The following HIPK3 variants were observed in gnomAD, a reference collection of about 807,000 sequenced individuals.
HIPK3 encodes the protein homeodomain-interacting protein kinase 3.
A neutral mutation model predicts 124.2 loss-of-function variants in HIPK3; 47 were observed. That is an observed-to-expected ratio of 0.38 (90% CI 0.30 to 0.48). The LOEUF is 0.48. Among genes scored for constraint, HIPK3 ranks in the 20% least tolerant of loss-of-function variants. The pLI is 0.98. For synonymous variants in HIPK3, 482 were observed against 515.2 expected (o/e 0.94, Z 0.87); for missense variants, 1,286 against 1,454.3 (o/e 0.88, Z 1.88).
At chr11:33,271,934 T>C (rs1408082756) in intron 1 of HIPK3, among the ~76,000 whole-genome samples, 1 of 152,224 alleles carries the variant, frequency 6.6e-6, no homozygotes, top group Non-Finnish European at 1.5e-5. Flanking sequence ...AAAATCTGTT[T>C]TTCTATGACA....
chr11:33,341,254 G>GT (rs1590187423), intron 7 of HIPK3, 127 bp downstream of exon 7: 2 of 618,212 alleles, frequency 3.2e-6, no homozygotes, highest in East Asian at 6.2e-5. Flanking sequence ...TACTATACCT[G>GT]TTTTTACCAA....
Position 33,257,712 on chromosome 11 carries a change from T to C in HIPK3, c.-180T>C. On this transcript the variant is annotated 5_prime_UTR_variant, in exon 1 of 17. Transcript: ENST00000303296. The stretch of plus-strand genomic sequence containing the variant: ...CGGTCGGGGGAGGGTGTTTCGCCGT[T>C]TCCTCTCAGCCGCCAGGACAAGATG... The C allele has an allele frequency of 4.0e-6, 4 of 990,392 alleles. No individual in the cohort carries two copies. Among genetic ancestry groups the C allele is most frequent in the Non-Finnish European group, 4.8e-6 (4 of 833,372 alleles). 61.4% of individuals were successfully genotyped at this position (990,392 alleles called of 1,614,324 possible). A position where few individuals can be genotyped will look rare whatever the true frequency, so the allele number is the denominator to read the frequency against.
intron 2 of HIPK3, among the ~76,000 whole-genome samples, chr11:33,289,806 C>T (rs1010293112): frequency 3.3e-5 from 5 of 152,158 alleles, no homozygotes; most frequent in African/African-American, 1.2e-4. Flanking sequence ...CTACTCCCTA[C>T]CCCCATCTAC....
intron 15 of HIPK3, 112 bp from the exon 16 acceptor site, chr11:33,352,025 TA>T: frequency 8.6e-7 from 1 of 1,156,564 alleles, no homozygotes; most frequent in Admixed American, 2.1e-5. Context: ...CCTTTGATTT[TA>T]TTTAATTTTA....
intron 2 of HIPK3, among the ~76,000 whole-genome samples, chr11:33,309,347 T>C (rs1852257012): frequency 6.6e-6 from 1 of 152,208 alleles, no homozygotes; most frequent in Non-Finnish European, 1.5e-5. Context: ...ACTTGTGGCC[T>C]CAAGTGATCC....
intron 2 of HIPK3, among the ~76,000 whole-genome samples, chr11:33,312,564 G>A (rs1852380861): frequency 6.6e-6 from 1 of 152,124 alleles, no homozygotes; most frequent in African/African-American, 2.4e-5. Flanking sequence ...CTCTGCCAGG[G>A]ATTGTATGAA....
chr11:33,279,195 T>A (rs1006790277), intron 1 of HIPK3, among the ~76,000 whole-genome samples: 4 of 151,324 alleles, frequency 2.6e-5, no homozygotes, highest in Non-Finnish European at 2.9e-5. Flanking sequence ...ATGCCTATAA[T>A]CCCAGCTACT....
intron 3 of HIPK3, among the ~76,000 whole-genome samples, chr11:33,334,644 T>A (rs1853084258): frequency 1.4e-5 from 1 of 69,484 alleles, no homozygotes; most frequent in African/African-American, 8.5e-5. Flanking sequence ...TGATAGCTGA[T>A]GAGCTTTAAA....
chr11:33,318,599 T>C (rs1852574321), intron 2 of HIPK3, among the ~76,000 whole-genome samples: 2 of 152,340 alleles, frequency 1.3e-5, no homozygotes, highest in Admixed American at 6.5e-5. Flanking sequence ...GTTGGTACTT[T>C]ATTACTGTTA....
intron 2 of HIPK3, among the ~76,000 whole-genome samples, chr11:33,303,632 T>G (rs1013470093): frequency 6.6e-6 from 1 of 152,198 alleles, no homozygotes; most frequent in African/African-American, 2.4e-5. Flanking sequence ...CCTCACACAC[T>G]TCAAAATGTG....
intron 2 of HIPK3, among the ~76,000 whole-genome samples, chr11:33,310,168 T>C (rs1034399753): frequency 6.6e-6 from 1 of 152,220 alleles, no homozygotes; most frequent in Admixed American, 6.5e-5. Context: ...TGAAAAATTC[T>C]TGACACGTGC....
At chr11:33,325,716 C>T (rs1852792427) in intron 2 of HIPK3, among the ~76,000 whole-genome samples, 1 of 152,086 alleles carries the variant, frequency 6.6e-6, no homozygotes, top group African/African-American at 2.4e-5. Context: ...ATATTCTTTA[C>T]AAGGTTCTAG....
intron 3 of HIPK3, among the ~76,000 whole-genome samples, chr11:33,332,496 G>A (rs1853016007): frequency 6.6e-6 from 1 of 152,184 alleles, no homozygotes; most frequent in Non-Finnish European, 1.5e-5. Context: ...TGGATGAATG[G>A]ATGGATAGAC....
intron 2 of HIPK3, among the ~76,000 whole-genome samples, chr11:33,288,974 A>C (rs1013316900): frequency 6.6e-6 from 1 of 152,178 alleles, no homozygotes; most frequent in Non-Finnish European, 1.5e-5. Flanking sequence ...CTGATACTGC[A>C]TTTGCCTTTC....
rs569559432 is a variant in HIPK3, at chr11:33,348,682, G to A, written c.2530G>A (p.Asp844Asn). The A allele has an allele frequency of 6.8e-6, 11 of 1,614,122 alleles. No individual in the cohort carries two copies. Among genetic ancestry groups the A allele is most frequent in the South Asian group, 1.1e-5 (1 of 91,084 alleles). ...RNCCETSIRQDSDSSVSDKQR... is the reference protein window; with the variant it reads ...RNCCETSIRQNSDSSVSDKQR... Reference sequence around the variant, plus strand: ...TTGCTGTGAAACATCTATCAGACAGGACTCTGATTCATCAGTTTCAGACAA... The same window carrying A: ...TTGCTGTGAAACATCTATCAGACAGAACTCTGATTCATCAGTTTCAGACAA... Residue 844 changes from aspartate to asparagine, a missense_variant, in exon 13 of 17, where the codon GAC (aspartate) becomes AAC (asparagine). Physicochemically the swap from Asp to Asn is conservative, Grantham distance 23 (BLOSUM62 1). This residue lies in a region of HIPK3 where 810 missense variants were observed against 864.9 expected (regional missense o/e 0.94). Transcript: ENST00000303296.
intron 16 of HIPK3, among the ~76,000 whole-genome samples, chr11:33,352,845 G>A (rs3903400): frequency 0.65 from 99,124 of 151,878 alleles, 32,611 homozygotes; most frequent in Non-Finnish European, 0.7. Flanking sequence ...GTAATAGGTA[G>A]TACTAGCAGC....
intron 2 of HIPK3, among the ~76,000 whole-genome samples, chr11:33,314,366 C>T (rs568070997): frequency 6.6e-6 from 1 of 152,164 alleles, no homozygotes; most frequent in Admixed American, 6.5e-5. Flanking sequence ...CAGAATCTGA[C>T]TCTAGGCTGG....
At chr11:33,285,189 C>G (rs1423039551) in intron 1 of HIPK3, among the ~76,000 whole-genome samples, 2 of 152,136 alleles carry the variant, frequency 1.3e-5, no homozygotes, top group African/African-American at 4.8e-5. Flanking sequence ...TCAATAAACT[C>G]ACATCCTTTT....
chr11:33,348,077 A>T, intron 11 of HIPK3, 64 bp downstream of exon 11: 2 of 1,607,778 alleles, frequency 1.2e-6, no homozygotes, highest in Non-Finnish European at 1.7e-6. Flanking sequence ...TTTTGCATGT[A>T]CTCTAAAGGG....
Sources: allele counts gnomAD v4.1 joint callset (sites outside exome capture counted in the v4.1 genomes callset), GRCh38; gene constraint gnomAD v4.1.1; regional missense constraint gnomAD v4.1.1; transcripts MANE v1.5; gene names NCBI Gene and HGNC (gene_info 2026-07-23, HGNC 2026-07-21).